SULF2: variants seen among roughly 807,000 people sequenced by gnomAD.
SULF2 encodes the protein extracellular sulfatase Sulf-2.
A neutral mutation model predicts 107.7 loss-of-function variants in SULF2; 52 were observed. The ratio of observed to expected loss-of-function variants is 0.48; its 90% CI spans 0.39 to 0.61. SULF2 has a LOEUF of 0.61. SULF2 is among the 20% of genes least tolerant of loss of function. The pLI is 0.00. For missense variants in SULF2, 993 were observed against 1,177.3 expected (o/e 0.84, Z 2.29); for synonymous variants, 460 against 464.3 (o/e 0.99, Z 0.12).
At chr20:47,740,876 T>C (rs1331399239) in intron 2 of SULF2, among the ~76,000 whole-genome samples, 1 of 152,130 alleles carries the variant, frequency 6.6e-6, no homozygotes, top group African/African-American at 2.4e-5. Context: ...AGCCAAGCCC[T>C]GATGTCACCG....
Position 47,757,432 on chromosome 20 carries a change from T to G in SULF2, c.-69A>C. 2 of 1,480,304 alleles carry G rather than the reference T, an allele frequency of 1.4e-6. No individual in the cohort carries two copies. Among genetic ancestry groups the G allele is most frequent in the Non-Finnish European group, 1.8e-6 (2 of 1,103,026 alleles). 91.7% of individuals were successfully genotyped at this position (1,480,304 alleles called of 1,614,324 possible). On this transcript the variant is annotated 5_prime_UTR_variant, in exon 2 of 21. Coordinates refer to ENST00000688720, the MANE Select transcript of SULF2 (RefSeq NM_001387048.1). ...TCTCAAGTTGCGTCTGTGGCTTTGT[T>G]TCTTTTCCCTCGTCCCTCTTCACTC... is the stretch of plus-strand genomic sequence containing the variant.
At chr20:47,779,514 C>T (rs781103216) in intron 1 of SULF2, among the ~76,000 whole-genome samples, 6 of 152,244 alleles carry the variant, frequency 3.9e-5, no homozygotes, top group Admixed American at 6.5e-5. Context: ...CTTCCATCTG[C>T]ACAGCACGCC....
intron 1 of SULF2, among the ~76,000 whole-genome samples, chr20:47,780,034 T>TTTTTTA (rs1271591256): frequency 6.8e-6 from 1 of 147,614 alleles, no homozygotes; most frequent in African/African-American, 2.5e-5. Flanking sequence ...TTTTTTTTTT[T>TTTTTTA]GAGACAGAGT....
intron 4 of SULF2, among the ~76,000 whole-genome samples, chr20:47,697,211 C>A (rs1286522330): frequency 6.6e-6 from 1 of 152,198 alleles, no homozygotes; most frequent in Non-Finnish European, 1.5e-5. Context: ...CCTCTCCAAC[C>A]CTCTTCTGCC....
In SULF2 at chr20:47,702,374, TGAG is replaced by T. The variant is rs2146598585; in HGVS notation, c.567+142_567+144del. 6 of 886,472 alleles carry T rather than the reference TGAG, an allele frequency of 6.8e-6. No individual in the cohort carries two copies. The East Asian group carries it at 1.1e-4, about 16-fold the overall frequency. 54.9% of individuals were successfully genotyped at this position (886,472 alleles called of 1,614,324 possible). A position where few individuals can be genotyped will look rare whatever the true frequency, so the allele number is the denominator to read the frequency against. Reference sequence around the variant, plus strand: ...TGTCCCTGGCTGAGAGATGAAAAACTGAGGAGGAGGTGTATGTAAAATGCTCAA... The same window carrying T: ...TGTCCCTGGCTGAGAGATGAAAAACTGAGGAGGTGTATGTAAAATGCTCAA... On this transcript the variant is annotated intron_variant, in intron 4 of 20. Transcript: ENST00000688720.
Position 47,658,075 on chromosome 20 carries a change from T to G in SULF2, c.*287A>C. The G allele has an allele frequency of 2.2e-6, 1 of 454,558 alleles. No homozygotes were observed. Among genetic ancestry groups the G allele is most frequent in the South Asian group, 3.8e-5 (1 of 26,460 alleles). 28.2% of individuals were successfully genotyped at this position (454,558 alleles called of 1,614,324 possible). On this transcript the variant is annotated 3_prime_UTR_variant, in exon 21 of 21. Transcript: ENST00000688720. ...CTCTCTCCGTTTTCCTTTGTGAGCT[T>G]CTGGGGGAGGGTTAGTGGTGACTTT...
chr20:47,724,752 G>A (rs867121054), intron 3 of SULF2, among the ~76,000 whole-genome samples: 1 of 152,176 alleles, frequency 6.6e-6, no homozygotes, highest in Non-Finnish European at 1.5e-5. Context: ...CAGACCCTCA[G>A]AACAAGGCCT....
At chr20:47,774,524 G>A (rs1165848070) in intron 1 of SULF2, among the ~76,000 whole-genome samples, 1 of 152,216 alleles carries the variant, frequency 6.6e-6, no homozygotes, top group African/African-American at 2.4e-5. Context: ...GCCCCGTAAA[G>A]TGGAGAGAAG....
At chr20:47,765,359 AAC>A (rs1178935581) in intron 1 of SULF2, among the ~76,000 whole-genome samples, 2 of 98,076 alleles carry the variant, frequency 2.0e-5, no homozygotes, top group African/African-American at 9.0e-5. Context: ...CTTAAAAAAA[AAC>A]AAAACAAAAC....
At chr20:47,707,759 T>A (rs2088796225) in intron 3 of SULF2, among the ~76,000 whole-genome samples, 1 of 152,202 alleles carries the variant, frequency 6.6e-6, no homozygotes, top group South Asian at 2.1e-4. Context: ...TCCCCTAAGC[T>A]AGCTTTGGAA....
At chr20:47,767,240 G>C (rs1470937737) in intron 1 of SULF2, among the ~76,000 whole-genome samples, 1 of 152,202 alleles carries the variant, frequency 6.6e-6, no homozygotes. Context: ...CATGCACGGA[G>C]ACTTTCAACA....
intron 4 of SULF2, among the ~76,000 whole-genome samples, chr20:47,699,861 T>C (rs1440578540): frequency 6.6e-6 from 1 of 152,230 alleles, no homozygotes; most frequent in Non-Finnish European, 1.5e-5. Flanking sequence ...CTGCCCCTTT[T>C]GGACAGACAC....
chr20:47,751,998 C>G (rs984144256), intron 2 of SULF2, among the ~76,000 whole-genome samples: 2 of 152,216 alleles, frequency 1.3e-5, no homozygotes, highest in African/African-American at 4.8e-5. Flanking sequence ...CCATGCCAGG[C>G]TCACATACCT....
At chr20:47,751,181 C>A (rs1434572686) in intron 2 of SULF2, among the ~76,000 whole-genome samples, 3 of 152,254 alleles carry the variant, frequency 2.0e-5, no homozygotes, top group Non-Finnish European at 4.4e-5. Context: ...GTCTGGTCCA[C>A]AGTTTGAGCA....
intron 2 of SULF2, among the ~76,000 whole-genome samples, chr20:47,743,517 C>T (rs1376237110): frequency 6.6e-6 from 1 of 152,152 alleles, no homozygotes; most frequent in Non-Finnish European, 1.5e-5. Flanking sequence ...ACCACGTTGC[C>T]CGGGCTGGTC....
chr20:47,705,804 C>T (rs201476552), intron 3 of SULF2, among the ~76,000 whole-genome samples: 5 of 137,534 alleles, frequency 3.6e-5, no homozygotes, highest in East Asian at 2.1e-4. Flanking sequence ...CTTTTCTTTT[C>T]TTTTTTTTTT....
At position 47,736,659 on chromosome 20, in the gene SULF2, C is replaced by T. The variant is rs758119617; in HGVS notation, c.415+44G>A. The T allele has an allele frequency of 1.9e-6, 3 of 1,611,130 alleles. No homozygotes were observed. In the South Asian group the frequency reaches 3.3e-5, roughly 18 times the overall value. On this transcript the variant is annotated intron_variant, in intron 3 of 20. Coordinates refer to ENST00000688720, the MANE Select transcript of SULF2 (RefSeq NM_001387048.1). ...CAGACCACACCTAGGGACGCCCGCC[C>T]TGGCTGTCACTCCCTTCCTGCACCT...
intron 2 of SULF2, among the ~76,000 whole-genome samples, chr20:47,751,268 T>A (rs1223056296): frequency 2.0e-5 from 3 of 152,212 alleles, no homozygotes; most frequent in African/African-American, 7.2e-5. Flanking sequence ...CCTGCCTTCT[T>A]CTGGCACTAG....
chr20:47,740,669 A>C (rs1173782188), intron 2 of SULF2, among the ~76,000 whole-genome samples: 2 of 152,128 alleles, frequency 1.3e-5, no homozygotes, highest in Non-Finnish European at 2.9e-5. Flanking sequence ...AAACAATTGC[A>C]GCCGATTTTT....
Sources: allele counts gnomAD v4.1 joint callset (sites outside exome capture counted in the v4.1 genomes callset), GRCh38; gene constraint gnomAD v4.1.1; transcripts MANE v1.5; gene names NCBI Gene and HGNC (gene_info 2026-07-23, HGNC 2026-07-21).